The following ARL17B variants were observed in gnomAD, a reference collection of about 807,000 sequenced individuals.
ARL17B encodes ARF like GTPase 17B, also known as ADP-ribosylation factor-like protein 17.
At chr17:46,290,205 C>A (rs1190079533) in intron 4 of ARL17B, among the ~76,000 whole-genome samples, 1 of 152,206 alleles carries the variant, frequency 6.6e-6, no homozygotes, top group Non-Finnish European at 1.5e-5. Context: ...TCATGGCTCA[C>A]TGCAGGGTCG....
intron 3 of ARL17B, among the ~76,000 whole-genome samples, chr17:46,351,955 G>A (rs1388011869): frequency 6.6e-6 from 1 of 152,268 alleles, no homozygotes; most frequent in Non-Finnish European, 1.5e-5. Context: ...AATAACGCAG[G>A]CCGGACACGG....
chr17:46,289,242 A>G, intron 4 of ARL17B, among the ~76,000 whole-genome samples: 1 of 152,106 alleles, frequency 6.6e-6, no homozygotes, highest in Admixed American at 6.5e-5. Context: ...GACTGCAGTG[A>G]CATAAACACG....
At position 46,336,090 on chromosome 17, in the gene ARL17B, G is replaced by C. The variant is rs1265479511; in HGVS notation, c.*3410C>G. On this transcript the variant is annotated 3_prime_UTR_variant, in exon 4 of 4. Coordinates refer to ENST00000450673, the MANE Select transcript of ARL17B (RefSeq NM_001039083.5). ...GGGAAAGGGGAAGGGAAGGCCACCGGGTGTGAGAGAGAGGGCACTTGTCTC... is the reference window on the plus strand; with the variant it reads ...GGGAAAGGGGAAGGGAAGGCCACCGCGTGTGAGAGAGAGGGCACTTGTCTC... Among the ~76,000 whole-genome samples the C allele has an allele frequency of 3.4e-4, 6 of 17,520 alleles. 2 individuals carry two copies. Among genetic ancestry groups the C allele is most frequent in the African/African-American group, 3.8e-4 (6 of 15,972 alleles). 11.5% of individuals were successfully genotyped at this position (17,520 alleles called of 152,430 possible). A position where few individuals can be genotyped will look rare whatever the true frequency, so the allele number is the denominator to read the frequency against.
At chr17:46,279,412 G>A (rs1466417629) in intron 4 of ARL17B, among the ~76,000 whole-genome samples, 18 of 151,396 alleles carry the variant, frequency 1.2e-4, no homozygotes, top group Non-Finnish European at 2.1e-4. Context: ...TTGAACTCCC[G>A]ACCTCAGGTG....
At chr17:46,280,615 C>T (rs1226052203) in intron 4 of ARL17B, among the ~76,000 whole-genome samples, 2 of 137,208 alleles carry the variant, frequency 1.5e-5, no homozygotes, top group Non-Finnish European at 3.1e-5. Context: ...ACTCTGACAC[C>T]CAGGCTGGAG....
chr17:46,293,843 C>T (rs1192223613), intron 4 of ARL17B: 1 of 330,320 alleles, frequency 3.0e-6, no homozygotes, highest in African/African-American at 2.1e-5. Context: ...ATAACGATAG[C>T]TCCATCCCTA....
intron 4 of ARL17B, among the ~76,000 whole-genome samples, chr17:46,275,954 G>A (rs56284313): frequency 0.12 from 18,483 of 151,688 alleles, no homozygotes; most frequent in Non-Finnish European, 0.18. Flanking sequence ...GCAAAGGCGC[G>A]ATCTTGGCTC....
intron 3 of ARL17B, among the ~76,000 whole-genome samples, chr17:46,317,171 C>A (rs1409337832): frequency 1.1e-5 from 1 of 88,446 alleles, no homozygotes; most frequent in Non-Finnish European, 3.3e-5. Flanking sequence ...GCGCTCCTCA[C>A]ATCCCAGACG....
chr17:46,275,598 T>G (rs962521341), intron 4 of ARL17B, among the ~76,000 whole-genome samples: 1 of 152,384 alleles, frequency 6.6e-6, no homozygotes. Context: ...AACTTTTCAC[T>G]GTACACTAAG....
intron 4 of ARL17B, among the ~76,000 whole-genome samples, chr17:46,276,597 G>C (rs2049592852): frequency 6.6e-6 from 1 of 152,166 alleles, no homozygotes; most frequent in Non-Finnish European, 1.5e-5. Flanking sequence ...TGCAAACAAT[G>C]CTGGAGATCA....
intron 4 of ARL17B, among the ~76,000 whole-genome samples, chr17:46,283,219 CT>C (rs746885469): frequency 1.1e-4 from 16 of 152,192 alleles, no homozygotes; most frequent in East Asian, 5.8e-4. Flanking sequence ...CCCCACCAGC[CT>C]TGCTAAAAGT....
intron 4 of ARL17B, among the ~76,000 whole-genome samples, chr17:46,290,093 T>G (rs1457349953): frequency 6.6e-6 from 1 of 152,286 alleles, no homozygotes; most frequent in Non-Finnish European, 1.5e-5. Flanking sequence ...TGCTGCAATG[T>G]AGATGACAAA....
intron 3 of ARL17B, among the ~76,000 whole-genome samples, chr17:46,317,087 C>A (rs1340662964): frequency 1.2e-5 from 1 of 84,592 alleles, no homozygotes; most frequent in African/African-American, 3.1e-5. Context: ...TCAACAAAAC[C>A]GCCATTGTCA....
chr17:46,340,834 GC>G (rs1447603447), intron 3 of ARL17B, among the ~76,000 whole-genome samples: 3 of 78,392 alleles, frequency 3.8e-5, no homozygotes, highest in Admixed American at 2.5e-4. Context: ...GAGTCACTGT[GC>G]CCCGCCAGGA....
downstream of ARL17B, chr17:46,331,649 C>T: frequency 1.3e-6 from 1 of 777,436 alleles, no homozygotes; most frequent in East Asian, 2.7e-5. Context: ...GTCCCCCGAG[C>T]CCAAAAGCTT....
intron 4 of ARL17B, among the ~76,000 whole-genome samples, chr17:46,290,490 G>A (rs1327268624): frequency 2.0e-5 from 3 of 152,152 alleles, no homozygotes; most frequent in South Asian, 2.1e-4. Context: ...ATGGAGTCTC[G>A]CTCTGTCGTG....
chr17:46,275,566 A>C (rs2049562885), intron 4 of ARL17B: 2 of 501,334 alleles, frequency 4.0e-6, no homozygotes, highest in Non-Finnish European at 7.4e-6. Context: ...ACGATTAAGA[A>C]ATTTTTAACC....
Position 46,280,926 on chromosome 17 carries a change from C to A in ARL17B, c.*22-5508G>T, listed in dbSNP as rs1262313424. Among the ~76,000 whole-genome samples the A allele has an allele frequency of 3.3e-5, 5 of 152,310 alleles. No individual in the cohort carries two copies. In the South Asian group the frequency reaches 1.0e-3, roughly 32 times the overall value. On this transcript the variant is annotated intron_variant, in intron 4 of 4. Transcript: ENST00000570618. ...CTGCCAAGAAAGGGTACCCTGAGTC[C>A]TTACATGACTGAAAATGTATTTATT...
chr17:46,291,831 C>G (rs144654257), intron 4 of ARL17B, among the ~76,000 whole-genome samples: 1 of 151,982 alleles, frequency 6.6e-6, no homozygotes, highest in Admixed American at 6.6e-5. Context: ...TGGCATGGCA[C>G]GCGCCTGTAG....
Sources: gnomAD v4.1 joint callset for allele counts (sites outside exome capture counted in the v4.1 genomes callset) on GRCh38, gnomAD v4.1.1 for gene constraint, MANE v1.5 for transcripts, NCBI Gene and HGNC (gene_info 2026-07-23, HGNC 2026-07-21) for gene names.